Variants in LRGUK observed in about 807,000 individuals in gnomAD.
LRGUK encodes leucine-rich repeat and guanylate kinase domain-containing protein.
LRGUK carries 65 observed loss-of-function variants against 76.0 expected under a neutral mutation model. The ratio of observed to expected loss-of-function variants is 0.85; its 90% CI spans 0.70 to 1.05. LRGUK has a LOEUF of 1.05. Ranked by LOEUF, LRGUK falls within the 50% of genes least tolerant of loss-of-function variation. LRGUK has a pLI of 0.00. For synonymous variants in LRGUK, 268 were observed against 265.6 expected (o/e 1.01, Z -0.09); for missense variants, 758 against 732.8 (o/e 1.03, Z -0.40).
At chr7:134,134,192 C>T (rs1320411220) in intron 1 of LRGUK, among the ~76,000 whole-genome samples, 3 of 152,078 alleles carry the variant, frequency 2.0e-5, no homozygotes, top group Non-Finnish European at 2.9e-5. Context: ...TTGTTGTGGT[C>T]AGTGAACAAG....
At chr7:134,241,671 C>A (rs574086236) in intron 16 of LRGUK, among the ~76,000 whole-genome samples, 5 of 152,192 alleles carry the variant, frequency 3.3e-5, no homozygotes, top group Admixed American at 2.0e-4. Flanking sequence ...ACAGGGATAT[C>A]CAGGAATTGA....
rs554170784 is a variant in LRGUK, at chr7:134,209,867, C to A, written c.3004C>A (p.Pro1002Thr). ...GCAAGCAGAACCTCGCATCCTCAGTCCCGCCCAGGAGGAGGCGGCTCAGAA... is the reference window on the plus strand; with the variant it reads ...GCAAGCAGAACCTCGCATCCTCAGTACCGCCCAGGAGGAGGCGGCTCAGAA... Residue 1002 changes from proline (P) to threonine (T), a missense_variant, in exon 16 of 16, where the codon CCC (proline) becomes ACC (threonine). Physicochemically the swap from Pro to Thr is conservative, Grantham distance 38 (BLOSUM62 -1). Coordinates refer to ENST00000645682, the Ensembl canonical transcript of LRGUK. The A allele has an allele frequency of 3.2e-4, 126 of 399,310 alleles. No individual in the cohort carries two copies. The East Asian group carries it at 4.5e-3, about 14-fold the overall frequency. The allele number at this position is 399,310 out of a possible 1,614,324, so 24.7% of individuals were successfully genotyped here. A position where few individuals can be genotyped will look rare whatever the true frequency, so the allele number is the denominator to read the frequency against.
Position 134,263,800 on chromosome 7 carries a change from A to G in LRGUK, c.2348-45A>G, listed in dbSNP as rs376988545. 68 of 1,558,442 alleles carry G rather than the reference A, an allele frequency of 4.4e-5. No individual in the cohort carries two copies. The Middle Eastern group carries it at 1.2e-3, about 27-fold the overall frequency. ...ATGCAACACTTATTCTCTTTGTACC[A>G]AGAAACCAAGGGATTAACTATCTTT... On this transcript the variant is annotated intron_variant, in intron 19 of 19. Transcript: ENST00000285928.
chr7:134,217,729 A>G (rs942974080), intron 15 of LRGUK, among the ~76,000 whole-genome samples: 2 of 152,184 alleles, frequency 1.3e-5, no homozygotes, highest in African/African-American at 4.8e-5. Flanking sequence ...ATTTTCCACT[A>G]CAAATTATCT....
intron 7 of LRGUK, among the ~76,000 whole-genome samples, chr7:134,163,965 G>A (rs913389845): frequency 6.6e-6 from 1 of 152,226 alleles, no homozygotes; most frequent in South Asian, 2.1e-4. Context: ...GGGGAGTGTT[G>A]GGAAGATGTT....
At chr7:134,216,965 A>G (rs975428059) in intron 15 of LRGUK, among the ~76,000 whole-genome samples, 1 of 152,166 alleles carries the variant, frequency 6.6e-6, no homozygotes. Flanking sequence ...TGAACATGTT[A>G]GTTGAAGGAA....
chr7:134,182,481 A>C (rs1162578378), intron 10 of LRGUK, among the ~76,000 whole-genome samples: 4 of 152,064 alleles, frequency 2.6e-5, no homozygotes, highest in Non-Finnish European at 5.9e-5. Context: ...TTGTGGGTCC[A>C]TGGCTCTTGG....
intron 7 of LRGUK, among the ~76,000 whole-genome samples, chr7:134,166,352 C>T (rs1394776595): frequency 1.3e-5 from 2 of 152,054 alleles, no homozygotes; most frequent in Non-Finnish European, 2.9e-5. Flanking sequence ...CTTAGTTACC[C>T]TCTACTCTGT....
chr7:134,182,902 C>T (rs192213219), intron 10 of LRGUK, among the ~76,000 whole-genome samples: 7 of 152,238 alleles, frequency 4.6e-5, no homozygotes, highest in East Asian at 3.9e-4. Flanking sequence ...ACTGGGATTA[C>T]GGGTGTGCAC....
chr7:134,218,590 G>A (rs1432628398), intron 15 of LRGUK, among the ~76,000 whole-genome samples: 1 of 152,006 alleles, frequency 6.6e-6, no homozygotes, highest in Non-Finnish European at 1.5e-5. Context: ...TATTGACCTG[G>A]CTACATGCCT....
chr7:134,242,390 A>G (rs1802183551), intron 16 of LRGUK, among the ~76,000 whole-genome samples: 1 of 152,248 alleles, frequency 6.6e-6, no homozygotes, highest in African/African-American at 2.4e-5. Context: ...GATCCCACAG[A>G]AATACAAACT....
At chr7:134,190,709 G>A (rs1387243861) in intron 11 of LRGUK, among the ~76,000 whole-genome samples, 1 of 152,150 alleles carries the variant, frequency 6.6e-6, no homozygotes, top group Non-Finnish European at 1.5e-5. Context: ...CTTAGCAGCT[G>A]TTATCCACTT....
intron 5 of LRGUK, among the ~76,000 whole-genome samples, chr7:134,150,765 A>G (rs934815042): frequency 6.6e-6 from 1 of 152,198 alleles, no homozygotes; most frequent in Non-Finnish European, 1.5e-5. Context: ...TTAGCTTTCC[A>G]TGTAAAAACT....
At chr7:134,233,208 G>C (rs775758383) in intron 16 of LRGUK, among the ~76,000 whole-genome samples, 6 of 152,176 alleles carry the variant, frequency 3.9e-5, no homozygotes, top group Non-Finnish European at 7.3e-5. Context: ...TGCATGGTTG[G>C]CTCCCTGGAA....
intron 1 of LRGUK, among the ~76,000 whole-genome samples, chr7:134,130,611 A>G (rs1236643422): frequency 6.6e-6 from 1 of 152,238 alleles, no homozygotes; most frequent in East Asian, 1.9e-4. Flanking sequence ...ACATTTGGAA[A>G]TTCATGTTCA....
chr7:134,241,958 G>A (rs1802167732), intron 16 of LRGUK, among the ~76,000 whole-genome samples: 1 of 152,146 alleles, frequency 6.6e-6, no homozygotes, highest in Admixed American at 6.5e-5. Context: ...AATGACTACT[G>A]GGTACATAAT....
chr7:134,248,236 G>C (rs1290256651), intron 17 of LRGUK, among the ~76,000 whole-genome samples: 2 of 152,202 alleles, frequency 1.3e-5, no homozygotes, highest in African/African-American at 4.8e-5. Flanking sequence ...GGTGACCACT[G>C]CCCAGCAGAA....
intron 7 of LRGUK, among the ~76,000 whole-genome samples, chr7:134,173,951 A>C (rs767730569): frequency 1.5e-4 from 23 of 152,142 alleles, no homozygotes; most frequent in Admixed American, 2.6e-4. Flanking sequence ...TCTACTAAAA[A>C]TGCAAAAATT....
chr7:134,243,541 A>G (rs1287160872), intron 16 of LRGUK, among the ~76,000 whole-genome samples: 2 of 151,860 alleles, frequency 1.3e-5, no homozygotes, highest in Non-Finnish European at 2.9e-5. Context: ...ACTGCTCAAC[A>G]AAATAAAAGA....
Sources: allele counts gnomAD v4.1 joint callset (sites outside exome capture counted in the v4.1 genomes callset), GRCh38; gene constraint gnomAD v4.1.1; transcripts MANE v1.5; gene names NCBI Gene and HGNC (gene_info 2026-07-23, HGNC 2026-07-21).